SLIT2: variants seen among roughly 807,000 people sequenced by gnomAD.
SLIT2 encodes slit homolog 2 protein.
Under a neutral mutation model 185.7 loss-of-function variants are expected in SLIT2, and 41 were observed. The ratio of observed to expected loss-of-function variants is 0.22; its 90% CI spans 0.17 to 0.29. The LOEUF (loss-of-function observed/expected upper bound fraction) is 0.29, where lower values mean the gene tolerates loss of function less well. Ranked by LOEUF, SLIT2 falls within the 10% of genes least tolerant of loss-of-function variation. The pLI is 1.00. For missense variants in SLIT2, 1,571 were observed against 1,909.0 expected (o/e 0.82, Z 3.30); for synonymous variants, 693 against 680.2 (o/e 1.02, Z -0.29).
rs182472234 is a variant in SLIT2, at chr4:20,325,046, T to C, written c.395+56165T>C. Among the ~76,000 whole-genome samples the C allele has an allele frequency of 2.0e-3, 304 of 152,138 alleles. 2 individuals carry two copies. The highest frequency in any genetic ancestry group is 6.9e-3 in the African/African-American group (286 of 41,524). On this transcript the variant is annotated intron_variant, in intron 4 of 36. Coordinates refer to ENST00000504154, the MANE Select transcript of SLIT2 (RefSeq NM_004787.4). ...TCTCACCCTCAGCTCCTCTTCCTCC[T>C]TCTCTCCCTTTCCTTTTTGCTTTCT...
At chr4:20,387,971 A>G (rs1388318867) in intron 4 of SLIT2, among the ~76,000 whole-genome samples, 1 of 150,736 alleles carries the variant, frequency 6.6e-6, no homozygotes, top group African/African-American at 2.5e-5. Flanking sequence ...TTAATAAACT[A>G]AAAAACAAAA....
In SLIT2 at chr4:20,542,532, C is replaced by T. The variant is rs767815348; in HGVS notation, c.2182C>T (p.Pro728Ser). 6 of 1,613,624 alleles carry T rather than the reference C, an allele frequency of 3.7e-6. No individual in the cohort carries two copies. The highest frequency in any genetic ancestry group is 1.7e-5 in the Admixed American group (1 of 59,972). ...TAGTTGCTCCCCACTTTCTCGCTGTCCTACTGAATGTACTTGCTTGGATAC... is the reference window on the plus strand; with the variant it reads ...TAGTTGCTCCCCACTTTCTCGCTGTTCTACTGAATGTACTTGCTTGGATAC... The part of the protein sequence containing the change: ...DNSCSPLSRC[P>S]TECTCLDTVV... The change falls in exon 21 of 37, where the codon CCT (proline) becomes TCT (serine). Residue 728 changes from proline (P) to serine (S), a missense_variant. By Grantham distance (74) the Pro-to-Ser change is moderately conservative. Coordinates refer to ENST00000504154, the MANE Select transcript of SLIT2 (RefSeq NM_004787.4).
At chr4:20,329,414 C>T (rs1165467228) in intron 4 of SLIT2, among the ~76,000 whole-genome samples, 1 of 151,300 alleles carries the variant, frequency 6.6e-6, no homozygotes. Context: ...TTCTAAATAC[C>T]TCATTCTTAT....
intron 3 of SLIT2, among the ~76,000 whole-genome samples, chr4:20,267,940 C>T (rs191410725): frequency 6.0e-4 from 91 of 151,984 alleles, no homozygotes; most frequent in East Asian, 1.2e-3. Flanking sequence ...AATGTTACAT[C>T]AGCTCTTTAT....
At position 20,617,206 on chromosome 4, in the gene SLIT2, C is replaced by A; in HGVS notation, c.4136+8C>A. ...CCCTTGCCTTGGAAATAAGTAAGTT[C>A]CTGCTGCTTGGGAGTTGAGCACACA... On this transcript the variant is annotated splice_region_variant and intron_variant, in intron 35 of 36. Transcript: ENST00000504154. 6.4e-7 allele frequency: 1 copy of A among 1,560,452 alleles called. No homozygotes were observed. Among genetic ancestry groups the A allele is most frequent in the Non-Finnish European group, 8.7e-7 (1 of 1,148,812 alleles).
rs141273875 is a variant in SLIT2 at position 20,554,541 on chromosome 4, C to A, written c.2725+573C>A. 2.4e-3 allele frequency among the ~76,000 whole-genome samples: 370 copies of A among 151,956 alleles called. 1 individual carries two copies. The highest frequency in any genetic ancestry group is 0.014 in the Middle Eastern group (4 of 294). On this transcript the variant is annotated intron_variant, in intron 26 of 36. Transcript: ENST00000504154. ...TTTTTATTACAAGAATAATACATGC[C>A]CCTAAATAGAAAAATATGAATAATA... is the stretch of plus-strand genomic sequence containing the variant.
chr4:20,487,710 G>A (rs749199917), intron 7 of SLIT2, among the ~76,000 whole-genome samples: 4 of 152,246 alleles, frequency 2.6e-5, no homozygotes, highest in East Asian at 3.9e-4. Context: ...TCTGTGGTAC[G>A]CCTTCTAGTT....
chr4:20,422,239 TCTGA>T (rs753253376), intron 4 of SLIT2, among the ~76,000 whole-genome samples: 35 of 152,310 alleles, frequency 2.3e-4, no homozygotes, highest in Non-Finnish European at 4.3e-4. Flanking sequence ...TTCTAATCTG[TCTGA>T]CTTTTAGTAG....
chr4:20,614,193 TCA>T (rs1729460623), intron 34 of SLIT2, among the ~76,000 whole-genome samples: 2 of 152,048 alleles, frequency 1.3e-5, no homozygotes, highest in African/African-American at 4.8e-5. Context: ...AATTTAGTTT[TCA>T]TGTTTTTCTG....
intron 6 of SLIT2, among the ~76,000 whole-genome samples, chr4:20,481,695 G>C (rs575449948): frequency 3.3e-5 from 5 of 152,026 alleles, no homozygotes; most frequent in East Asian, 1.9e-4. Flanking sequence ...CCACAAAAAA[G>C]GAATTCATTA....
At chr4:20,263,516 A>T (rs1712717157) in intron 3 of SLIT2, among the ~76,000 whole-genome samples, 1 of 151,720 alleles carries the variant, frequency 6.6e-6, no homozygotes, top group Non-Finnish European at 1.5e-5. Context: ...TTATCTACTG[A>T]TGCTTGGTGT....
At chr4:20,256,848 A>G (rs1015854381) in intron 2 of SLIT2, 105 bp downstream of exon 2, 2 of 556,188 alleles carry the variant, frequency 3.6e-6, no homozygotes, top group Middle Eastern at 3.3e-4. Context: ...AACATAAAAC[A>G]TTTAAAAGGT....
chr4:20,340,996 A>C (rs1487804435), intron 4 of SLIT2, among the ~76,000 whole-genome samples: 3 of 152,170 alleles, frequency 2.0e-5, no homozygotes, highest in Non-Finnish European at 4.4e-5. Flanking sequence ...TTCAATTTCA[A>C]ATAGATAGCT....
chr4:20,335,289 G>A (rs1454414197), intron 4 of SLIT2, among the ~76,000 whole-genome samples: 1 of 152,126 alleles, frequency 6.6e-6, no homozygotes, highest in African/African-American at 2.4e-5. Context: ...GAGCTGCAGG[G>A]TGAAGCCAAA....
intron 4 of SLIT2, among the ~76,000 whole-genome samples, chr4:20,275,159 G>A (rs1714039377): frequency 6.6e-6 from 1 of 152,120 alleles, no homozygotes; most frequent in South Asian, 2.1e-4. Context: ...ATAAGGGTTG[G>A]TAGGGTTTTA....
chr4:20,491,647 G>T (rs1305824791), intron 8 of SLIT2, 114 bp from the exon 9 acceptor site: 1 of 839,310 alleles, frequency 1.2e-6, no homozygotes, highest in African/African-American at 1.7e-5. Context: ...TTATCATCAT[G>T]TATTTAAAGA....
intron 16 of SLIT2, among the ~76,000 whole-genome samples, chr4:20,530,069 C>T (rs1413736507): frequency 6.7e-6 from 1 of 150,122 alleles, no homozygotes; most frequent in Non-Finnish European, 1.5e-5. Context: ...AAAGAGTTGA[C>T]AGAAACCCAC....
At chr4:20,370,880 A>C (rs894284635) in intron 4 of SLIT2, among the ~76,000 whole-genome samples, 2 of 152,098 alleles carry the variant, frequency 1.3e-5, no homozygotes, top group African/African-American at 4.8e-5. Context: ...TGCCGGATAT[A>C]TGATATTTAT....
chr4:20,507,696 A>G (rs897439130), intron 9 of SLIT2, among the ~76,000 whole-genome samples: 1 of 151,694 alleles, frequency 6.6e-6, no homozygotes, highest in African/African-American at 2.4e-5. Context: ...GTTTCTTTAG[A>G]TTATTTTCAA....
Sources: gnomAD v4.1 joint callset for allele counts (sites outside exome capture counted in the v4.1 genomes callset) on GRCh38, gnomAD v4.1.1 for gene constraint, MANE v1.5 for transcripts, NCBI Gene and HGNC (gene_info 2026-07-23, HGNC 2026-07-21) for gene names.